Variants in GRM7 observed in about 807,000 individuals in gnomAD.
The protein encoded by GRM7 is metabotropic glutamate receptor 7.
A neutral mutation model predicts 84.5 loss-of-function variants in GRM7; 35 were observed. That is an observed-to-expected ratio of 0.41 (90% confidence interval 0.32 to 0.55). The LOEUF (loss-of-function observed/expected upper bound fraction) is 0.55. Ranked by LOEUF, GRM7 falls within the 20% of genes least tolerant of loss-of-function variation. The pLI is 0.19. For synonymous variants in GRM7, 487 were observed against 455.1 expected (o/e 1.07, Z -0.89); for missense variants, 1,003 against 1,194.6 (o/e 0.84, Z 2.36).
chr3:6,861,362 C>A lies in GRM7; in HGVS notation c.-27C>A, dbSNP rs1694747207. 3 of 1,485,748 alleles carry A rather than the reference C, an allele frequency of 2.0e-6. No homozygotes were observed. Among genetic ancestry groups the A allele is most frequent in the Non-Finnish European group, 2.7e-6 (3 of 1,129,636 alleles). 92.0% of individuals were successfully genotyped at this position (1,485,748 alleles called of 1,614,324 possible). On this transcript the variant is annotated 5_prime_UTR_variant, in exon 1 of 10. Coordinates refer to ENST00000357716, the MANE Select transcript of GRM7 (RefSeq NM_000844.4). The surrounding 1 kb of genome is among the most constrained non-coding windows in gnomAD (Gnocchi z 6.4). The stretch of plus-strand genomic sequence containing the variant: ...CCACCACCGTTCCCTCCAGCGCCGC[C>A]GCCGCCACCGCAGCAGCCGGAGCAG...
intron 1 of GRM7, among the ~76,000 whole-genome samples, chr3:6,999,592 A>G (rs144151376): frequency 0.011 from 1,676 of 152,288 alleles, 26 homozygotes; most frequent in African/African-American, 0.038. Context: ...TGGGTAATTT[A>G]TAAAGGAAAA....
In GRM7 at chr3:7,412,343, A is replaced by G. The variant is rs542515990; in HGVS notation, c.1034-2680A>G. On this transcript the variant is annotated intron_variant, in intron 4 of 9. Transcript: ENST00000357716. ...CTGGTTGCCACAGGAAGCGCCATCA[A>G]TATCTGTTAGCTCCCATTATCCTGG... 4.7e-4 allele frequency among the ~76,000 whole-genome samples: 71 copies of G among 152,246 alleles called. 1 individual carries two copies. The highest frequency in any genetic ancestry group is 1.6e-3 in the African/African-American group (65 of 41,562).
chr3:6,916,050 G>T lies in GRM7; in HGVS notation c.519+54143G>T, dbSNP rs375949738. Among the ~76,000 whole-genome samples the T allele has an allele frequency of 2.2e-4, 33 of 152,282 alleles. 1 individual carries two copies. The East Asian group carries it at 6.4e-3, about 29-fold the overall frequency. The stretch of plus-strand genomic sequence containing the variant: ...AAACTTTCAACAAGGCACTATCTTT[G>T]TTGATGTTGCAGCCAACCAAAATCA... On this transcript the variant is annotated intron_variant, in intron 1 of 9. Coordinates refer to ENST00000357716, the MANE Select transcript of GRM7 (RefSeq NM_000844.4).
At chr3:7,131,448 G>GT (rs1362452966) in intron 1 of GRM7, among the ~76,000 whole-genome samples, 3 of 151,988 alleles carry the variant, frequency 2.0e-5, no homozygotes, top group Non-Finnish European at 4.4e-5. Context: ...TAAGAGTGCA[G>GT]TAACATATGT....
chr3:7,114,233 G>A (rs775853112), intron 1 of GRM7, among the ~76,000 whole-genome samples: 1 of 152,162 alleles, frequency 6.6e-6, no homozygotes, highest in Admixed American at 6.5e-5. Flanking sequence ...GGAACTTGCT[G>A]TCAGGCTACT....
chr3:7,261,198 A>G (rs1053927958), intron 2 of GRM7, among the ~76,000 whole-genome samples: 9 of 152,152 alleles, frequency 5.9e-5, no homozygotes, highest in African/African-American at 2.2e-4. Context: ...AAAGACTGCA[A>G]CATAGTTACC....
At chr3:7,731,974 C>T (rs184765310) in intron 9 of GRM7, among the ~76,000 whole-genome samples, 2 of 152,276 alleles carry the variant, frequency 1.3e-5, no homozygotes, top group Admixed American at 6.5e-5. Flanking sequence ...AAACCCCTAA[C>T]TTGTGAGCTT....
At chr3:6,883,345 T>A (rs1458233035) in intron 1 of GRM7, among the ~76,000 whole-genome samples, 1 of 152,136 alleles carries the variant, frequency 6.6e-6, no homozygotes, top group Non-Finnish European at 1.5e-5. Context: ...AATCTCATGT[T>A]TATAGAAATT....
At chr3:7,316,688 A>G (rs992300562) in intron 4 of GRM7, among the ~76,000 whole-genome samples, 2 of 152,134 alleles carry the variant, frequency 1.3e-5, no homozygotes, top group Non-Finnish European at 2.9e-5. Context: ...AGCAATGCCA[A>G]TTCTGGAGGT....
chr3:7,294,531 C>A (rs964207605), intron 2 of GRM7, among the ~76,000 whole-genome samples: 3 of 150,086 alleles, frequency 2.0e-5, no homozygotes, highest in Non-Finnish European at 4.4e-5. Context: ...CCCTTTCCTT[C>A]CTTTTCTCTA....
At chr3:7,647,968 C>T (rs965539228) in intron 8 of GRM7, among the ~76,000 whole-genome samples, 7 of 152,066 alleles carry the variant, frequency 4.6e-5, no homozygotes, top group African/African-American at 1.7e-4. Context: ...TTTACATAGC[C>T]CTACAAACAG....
intron 9 of GRM7, chr3:7,686,349 T>A: frequency 8.7e-7 from 1 of 1,148,218 alleles, no homozygotes; most frequent in Admixed American, 1.7e-5. Flanking sequence ...TATTTACTTT[T>A]CCTGTAGACT....
chr3:7,048,804 A>T (rs1006782920), intron 1 of GRM7, among the ~76,000 whole-genome samples: 9 of 151,940 alleles, frequency 5.9e-5, no homozygotes, highest in African/African-American at 2.2e-4. Flanking sequence ...CATGCTGTAC[A>T]ATAGATCTCT....
At chr3:6,967,737 T>C (rs758450047) in intron 1 of GRM7, among the ~76,000 whole-genome samples, 4 of 152,204 alleles carry the variant, frequency 2.6e-5, no homozygotes, top group Non-Finnish European at 5.9e-5. Flanking sequence ...TGTGAAATGC[T>C]GAACCTCAGT....
intron 1 of GRM7, among the ~76,000 whole-genome samples, chr3:7,070,354 A>C (rs1474861795): frequency 6.6e-6 from 1 of 152,134 alleles, no homozygotes; most frequent in African/African-American, 2.4e-5. Flanking sequence ...TCAATGTTGT[A>C]GTCTCATAAT....
chr3:7,525,221 T>C (rs1700747622), intron 7 of GRM7, among the ~76,000 whole-genome samples: 5 of 151,918 alleles, frequency 3.3e-5, no homozygotes, highest in African/African-American at 9.7e-5. Context: ...CATATGTAAC[T>C]AACCTGGACA....
At chr3:7,290,368 G>A (rs1699580091) in intron 2 of GRM7, among the ~76,000 whole-genome samples, 3 of 152,194 alleles carry the variant, frequency 2.0e-5, no homozygotes, top group Admixed American at 6.5e-5. Context: ...CAGCTAGCAT[G>A]CATATAGCTT....
chr3:6,888,605 A>C (rs1038808329), intron 1 of GRM7, among the ~76,000 whole-genome samples: 48 of 152,104 alleles, frequency 3.2e-4, no homozygotes, highest in African/African-American at 1.1e-3. Flanking sequence ...CTGTTTTGGT[A>C]CCAGTACCAT....
In GRM7 at chr3:6,955,450, T is replaced by C. The variant is rs189694192; in HGVS notation, c.519+93543T>C. 9.3e-3 allele frequency among the ~76,000 whole-genome samples: 1,405 copies of C among 151,568 alleles called. 8 individuals are homozygous for C. Among genetic ancestry groups the C allele is most frequent in the Non-Finnish European group, 0.014 (963 of 67,898 alleles). On this transcript the variant is annotated intron_variant, in intron 1 of 9. Coordinates refer to ENST00000357716, the MANE Select transcript of GRM7 (RefSeq NM_000844.4). The stretch of plus-strand genomic sequence containing the variant: ...TACTCAGGAGACTGAGGCAGGAGAA[T>C]CTCTTGAACCTGGAAGTTAGAGGTT...
Sources: allele counts gnomAD v4.1 joint callset (sites outside exome capture counted in the v4.1 genomes callset), GRCh38; gene constraint gnomAD v4.1.1; non-coding constraint Gnocchi (gnomAD v3.1); transcripts MANE v1.5; gene names NCBI Gene and HGNC (gene_info 2026-07-23, HGNC 2026-07-21).